Variants in POLR3GL observed in about 807,000 individuals in gnomAD.
The protein encoded by POLR3GL is RNA polymerase III subunit GL.
In POLR3GL, 26 loss-of-function variants were observed where a neutral mutation model predicts 32.4. The ratio of observed to expected loss-of-function variants is 0.80; its 90% CI spans 0.59 to 1.11. POLR3GL has a LOEUF of 1.11. Among genes scored for constraint, POLR3GL ranks in the 50% most tolerant of loss-of-function variants. The probability of loss-of-function intolerance (pLI) is 0.00; values close to 1 mark genes in which losing one functional copy is unlikely to be tolerated. For missense variants in POLR3GL, 229 were observed against 280.1 expected (o/e 0.82, Z 1.30); for synonymous variants, 95 against 98.7 (o/e 0.96, Z 0.22).
At position 145,978,548 on chromosome 1, in the gene POLR3GL, A is replaced by G; in HGVS notation, c.*101A>G. On this transcript the variant is annotated 3_prime_UTR_variant, in exon 8 of 8. Coordinates refer to ENST00000369314, the MANE Select transcript of POLR3GL (RefSeq NM_032305.3). ...AGCAAATCATTTGGTCAGAGTTCAT[A>G]TAATCTGTCTGTTCCCTGGAGATGG... 1 of 805,562 alleles carries G rather than the reference A, an allele frequency of 1.2e-6. No homozygotes were observed. The highest frequency in any genetic ancestry group is 2.1e-6 in the Non-Finnish European group (1 of 469,262). 49.9% of individuals were successfully genotyped at this position (805,562 alleles called of 1,614,324 possible). A position where few individuals can be genotyped will look rare whatever the true frequency, so the allele number is the denominator to read the frequency against.
intron 1 of POLR3GL, 47 bp from the exon 2 acceptor site, chr1:145,974,778 G>A: frequency 7.8e-7 from 1 of 1,281,642 alleles, no homozygotes. Flanking sequence ...TTGGCTTCCT[G>A]TCCATTCTAC....
chr1:145,972,422 C>T (rs1451794654), intron 1 of POLR3GL, among the ~76,000 whole-genome samples: 1 of 151,484 alleles, frequency 6.6e-6, no homozygotes, highest in Non-Finnish European at 1.5e-5. Context: ...TCCCCTGCTC[C>T]CTTTTAGGAT....
Position 145,978,673 on chromosome 1 carries a change from A to G in POLR3GL, c.*226A>G. 1.9e-6 allele frequency: 1 copy of G among 535,146 alleles called. No homozygotes were observed. Among genetic ancestry groups the G allele is most frequent in the Non-Finnish European group, 3.3e-6 (1 of 300,970 alleles). 33.1% of individuals were successfully genotyped at this position (535,146 alleles called of 1,614,324 possible). A position where few individuals can be genotyped will look rare whatever the true frequency, so the allele number is the denominator to read the frequency against. On this transcript the variant is annotated 3_prime_UTR_variant, in exon 8 of 8. Coordinates refer to ENST00000369314, the MANE Select transcript of POLR3GL (RefSeq NM_032305.3). The stretch of plus-strand genomic sequence containing the variant: ...GAAAGTGCAAAGGACAAACATCTCA[A>G]TTGTATGAAGGGAGAAAGGAGAATT...
chr1:145,966,681 C>T (rs782635989), intron 1 of POLR3GL, among the ~76,000 whole-genome samples: 1 of 151,106 alleles, frequency 6.6e-6, no homozygotes, highest in Non-Finnish European at 1.5e-5. Flanking sequence ...CCCAGTTACT[C>T]GGGGGGCTGA....
intron 3 of POLR3GL, among the ~76,000 whole-genome samples, chr1:145,976,756 T>C (rs1420502937): frequency 6.6e-6 from 1 of 151,236 alleles, no homozygotes; most frequent in African/African-American, 2.4e-5. Flanking sequence ...CTACTAAAAA[T>C]ACAAAAATTA....
rs782468063 is a variant in POLR3GL at position 145,975,407 on chromosome 1, A to G, written c.227A>G (p.Tyr76Cys). Residue 76 changes from tyrosine to cysteine, a missense_variant, in exon 3 of 8, where the codon TAC becomes TGC. By Grantham distance (194) the Tyr-to-Cys change is radical. Transcript: ENST00000369314. ...CGAGGAGCCATGAGGCAGCTCCCCT[A>G]CTTCATCCGGCCAGCTGTCCCCAAG... ...ELRGAMRQLP[Y>C]FIRPAVPKRD... 3 of 1,613,982 alleles carry G rather than the reference A, an allele frequency of 1.9e-6. No individual in the cohort carries two copies. The highest frequency in any genetic ancestry group is 2.2e-5 in the South Asian group (2 of 91,086).
Position 145,978,760 on chromosome 1 carries a change from A to G in POLR3GL, c.*313A>G, listed in dbSNP as rs1236555472. On this transcript the variant is annotated 3_prime_UTR_variant, in exon 8 of 8. Transcript: ENST00000369314. ...GTACACATACCCCTGCCCAATTTAT[A>G]TAGCTCTTTGTGGAGATAATTAGGG... 1.7e-5 allele frequency: 5 copies of G among 287,908 alleles called. No individual in the cohort carries two copies. The highest frequency in any genetic ancestry group is 1.3e-4 in the East Asian group (2 of 15,146). 17.8% of individuals were successfully genotyped at this position (287,908 alleles called of 1,614,324 possible). A position where few individuals can be genotyped will look rare whatever the true frequency, so the allele number is the denominator to read the frequency against.
At chr1:145,974,116 A>C (rs1172955861) in intron 1 of POLR3GL, among the ~76,000 whole-genome samples, 4 of 152,104 alleles carry the variant, frequency 2.6e-5, no homozygotes, top group African/African-American at 9.7e-5. Flanking sequence ...TGGATGACAG[A>C]AAGAGACCCT....
rs782502275 is a variant in POLR3GL at position 145,977,093 on chromosome 1, G to A, written c.266G>A (p.Arg89His). The change falls in exon 4 of 8, where the codon CGT becomes CAT. Residue 89 changes from arginine to histidine, a missense_variant. Coordinates refer to ENST00000369314, the MANE Select transcript of POLR3GL (RefSeq NM_032305.3). ...CCCTTCCACCCCTCAGATGTGGAGC[G>A]TTATTCAGACAAATATCAGATGTCA... The part of the protein sequence containing the change: ...RPAVPKRDVE[R>H]YSDKYQMSGP... 3.1e-6 allele frequency: 5 copies of A among 1,613,744 alleles called. No homozygotes were observed. Among genetic ancestry groups the A allele is most frequent in the Middle Eastern group, 1.7e-4 (1 of 6,060 alleles).
chr1:145,972,236 C>T lies in POLR3GL; in HGVS notation c.-41-2589C>T, dbSNP rs113467276. On this transcript the variant is annotated intron_variant, in intron 1 of 7. Coordinates refer to ENST00000369314, the MANE Select transcript of POLR3GL (RefSeq NM_032305.3). ...TCTCTACTAAAAATACAAAATTAGC[C>T]GGGCGTGGTGGCACATGCCTGTAAT... Among the ~76,000 whole-genome samples, 663 of 151,076 alleles carry T rather than the reference C, an allele frequency of 4.4e-3. 3 individuals are homozygous for T. Among genetic ancestry groups the T allele is most frequent in the African/African-American group, 0.015 (619 of 41,144 alleles).
chr1:145,966,116 CAAAAAAA>C (rs58691867), intron 1 of POLR3GL, among the ~76,000 whole-genome samples: 470 of 37,154 alleles, frequency 0.013, 3 homozygotes, highest in African/African-American at 0.043. Flanking sequence ...AACTCCCTCT[CAAAAAAA>C]AAAAAAAAAA....
intron 5 of POLR3GL, 55 bp downstream of exon 5, chr1:145,977,594 G>A: frequency 6.5e-6 from 10 of 1,526,796 alleles, no homozygotes; most frequent in Non-Finnish European, 9.1e-6. Context: ...ATCAGCCTGA[G>A]GGCCGAGGCT....
chr1:145,976,325 T>G (rs1251146209), intron 3 of POLR3GL, among the ~76,000 whole-genome samples: 10 of 149,978 alleles, frequency 6.7e-5, no homozygotes, highest in South Asian at 2.1e-4. Flanking sequence ...ACACCTAGAA[T>G]CCCAGCACTT....
In POLR3GL at chr1:145,977,838, T is replaced by G. The variant is rs782594043; in HGVS notation, c.443T>G (p.Ile148Arg). Residue 148 changes from isoleucine (I) to arginine (R), a missense_variant, in exon 6 of 8, where the codon ATA becomes AGA. Transcript: ENST00000369314. ...PKTTEDKEET[I>R]QKLETLEKKE... ...ACCACAGAAGATAAGGAGGAAACAATACAGAAACTAGAGGTGAGGAGGAAG... is the reference window on the plus strand; with the variant it reads ...ACCACAGAAGATAAGGAGGAAACAAGACAGAAACTAGAGGTGAGGAGGAAG... 12 of 1,613,770 alleles carry G rather than the reference T, an allele frequency of 7.4e-6. No individual in the cohort carries two copies. Among genetic ancestry groups the G allele is most frequent in the Non-Finnish European group, 1.0e-5 (12 of 1,179,818 alleles).
chr1:145,969,154 A>C (rs1553762317), intron 1 of POLR3GL, among the ~76,000 whole-genome samples: 1 of 152,136 alleles, frequency 6.6e-6, no homozygotes, highest in African/African-American at 2.4e-5. Flanking sequence ...ACTGGTGCAC[A>C]GTGGTGTGAT....
chr1:145,977,969 C>T lies in POLR3GL; in HGVS notation c.457-14C>T. 1 of 1,613,932 alleles carries T rather than the reference C, an allele frequency of 6.2e-7. No individual in the cohort carries two copies. Among genetic ancestry groups the T allele is most frequent in the South Asian group, 1.1e-5 (1 of 91,054 alleles). ...CTGAACCTGAGTTTCTATTCCTATTCATCCCCACATGAGACCCTGGAGAAG... is the reference window on the plus strand; with the variant it reads ...CTGAACCTGAGTTTCTATTCCTATTTATCCCCACATGAGACCCTGGAGAAG... On this transcript the variant is annotated splice_polypyrimidine_tract_variant and intron_variant, in intron 6 of 7. Transcript: ENST00000369314.
At chr1:145,976,983 A>C (rs1650585236) in intron 3 of POLR3GL, 101 bp from the exon 4 acceptor site, 2 of 976,722 alleles carry the variant, frequency 2.0e-6, no homozygotes, top group African/African-American at 3.2e-5. Flanking sequence ...GTTTGGGGTA[A>C]GGAAACAGAT....
chr1:145,966,116 CAAAAAA>C (rs58691867), intron 1 of POLR3GL, among the ~76,000 whole-genome samples: 3 of 37,170 alleles, frequency 8.1e-5, no homozygotes, highest in Non-Finnish European at 1.6e-4. Context: ...AACTCCCTCT[CAAAAAA>C]AAAAAAAAAA....
Position 145,978,436 on chromosome 1 carries a change from G to A in POLR3GL, c.646G>A (p.Ala216Thr), listed in dbSNP as rs782252662. 8 of 1,598,998 alleles carry A rather than the reference G, an allele frequency of 5.0e-6. No individual in the cohort carries two copies. The East Asian group carries it at 1.3e-4, about 27-fold the overall frequency. Reference sequence around the variant, plus strand: ...TGACAGTGATGACAATATGGACGAGGCTATATACTGAAGAAGGACTCTGGA... The same window carrying A: ...TGACAGTGATGACAATATGGACGAGACTATATACTGAAGAAGGACTCTGGA... ...GGDSDDNMDEAIY is the reference protein window; with the variant it reads ...GGDSDDNMDETIY Residue 216 changes from alanine (A) to threonine (T), a missense_variant, in exon 8 of 8, where the codon GCT (alanine) becomes ACT (threonine). Coordinates refer to ENST00000369314, the MANE Select transcript of POLR3GL (RefSeq NM_032305.3).
Sources: allele counts gnomAD v4.1 joint callset (sites outside exome capture counted in the v4.1 genomes callset), GRCh38; gene constraint gnomAD v4.1.1; transcripts MANE v1.5; gene names NCBI Gene and HGNC (gene_info 2026-07-23, HGNC 2026-07-21).